The following HAUS3 variants were observed in gnomAD, a reference collection of about 807,000 sequenced individuals.
HAUS3 encodes the protein HAUS augmin like complex subunit 3, also known as HAUS augmin-like complex subunit 3.
Under a neutral mutation model 55.2 loss-of-function variants are expected in HAUS3, and 36 were observed. The ratio of observed to expected loss-of-function variants is 0.65; its 90% CI spans 0.50 to 0.86. HAUS3 has a LOEUF of 0.86. Ranked by LOEUF, HAUS3 falls within the 40% of genes least tolerant of loss-of-function variation. The pLI, the probability that HAUS3 is intolerant of heterozygous loss-of-function variation, is 0.00. For missense variants in HAUS3, 752 were observed against 671.5 expected, an observed-to-expected ratio of 1.12 and a Z score of -1.33; for synonymous variants, 234 against 238.6, an observed-to-expected ratio of 0.98 and a Z score of 0.18.
In HAUS3 at chr4:2,241,675, AC is replaced by A; in HGVS notation, c.-304del. On this transcript the variant is annotated 5_prime_UTR_variant, in exon 2 of 6. Transcript: ENST00000443786. ...CAGCCCCGACGCCAGGGCCGCGCGA[AC>A]CCCAGAGGCAGCGGCAAGCCCCAGG... The A allele has an allele frequency of 2.0e-6, 2 of 985,426 alleles. No homozygotes were observed. The highest frequency in any genetic ancestry group is 2.4e-6 in the Non-Finnish European group (2 of 829,924). 61.0% of individuals were successfully genotyped at this position (985,426 alleles called of 1,614,324 possible). A position where few individuals can be genotyped will look rare whatever the true frequency, so the allele number is the denominator to read the frequency against.
chr4:2,235,035 G>C (rs957986497), intron 5 of HAUS3, among the ~76,000 whole-genome samples: 1 of 152,126 alleles, frequency 6.6e-6, no homozygotes, highest in African/African-American at 2.4e-5. Flanking sequence ...ACAGTCACCC[G>C]CCACCACGCC....
intron 5 of HAUS3, 51 bp downstream of exon 5, chr4:2,236,177 C>T (rs766504453): frequency 9.1e-7 from 1 of 1,104,032 alleles, no homozygotes; most frequent in Non-Finnish European, 1.3e-6. Flanking sequence ...ATATCTTTTA[C>T]AACAAGCATT....
Position 2,240,958 on chromosome 4 carries a change from C to T in HAUS3, c.-12G>A, listed in dbSNP as rs752857799. The T allele has an allele frequency of 3.2e-6, 5 of 1,575,234 alleles. No homozygotes were observed. The highest frequency in any genetic ancestry group is 4.3e-6 in the Non-Finnish European group (5 of 1,171,334). ...TTTCCACAACTCATGGTTTTAACTACCCCAATTTTGTTGTATCTGATATGG... is the reference window on the plus strand; with the variant it reads ...TTTCCACAACTCATGGTTTTAACTATCCCAATTTTGTTGTATCTGATATGG... On this transcript the variant is annotated 5_prime_UTR_variant, in exon 3 of 6. Coordinates refer to ENST00000443786, the MANE Select transcript of HAUS3 (RefSeq NM_001303143.2).
rs1311358632 is a variant in HAUS3 at position 2,230,374 on chromosome 4, A to G, written c.*1553T>C. On this transcript the variant is annotated 3_prime_UTR_variant, in exon 6 of 6. Transcript: ENST00000443786. ...ATTTAAACAGAATATGCTACCATAA[A>G]CCAGGAAACCAGGTGACATATTTTC... is the stretch of plus-strand genomic sequence containing the variant. 1 of 152,194 alleles carries G rather than the reference A, an allele frequency of 6.6e-6. No homozygotes were observed. The highest frequency in any genetic ancestry group is 1.5e-5 in the Non-Finnish European group (1 of 68,030). The allele number at this position is 152,194 out of a possible 1,614,324, so 9.4% of individuals were successfully genotyped here.
chr4:2,240,366 A>C lies in HAUS3; in HGVS notation c.581T>G (p.Phe194Cys). ...NLGQGTNPLVFLSQFSLEKYL... is the reference protein window; with the variant it reads ...NLGQGTNPLVCLSQFSLEKYL... ...TTTTTCCAAGGAAAATTGCGATAAAAATACCAGTGGATTTGTCCCTTGACC... is the reference window on the plus strand; with the variant it reads ...TTTTTCCAAGGAAAATTGCGATAAACATACCAGTGGATTTGTCCCTTGACC... The change falls in exon 3 of 6, where the codon TTT (phenylalanine) becomes TGT (cysteine). Residue 194 changes from phenylalanine to cysteine, a missense_variant. By Grantham distance (205) the Phe-to-Cys change is radical. Coordinates refer to ENST00000443786, the MANE Select transcript of HAUS3 (RefSeq NM_001303143.2). The C allele has an allele frequency of 6.2e-7, 1 of 1,604,704 alleles. No individual in the cohort carries two copies. Among genetic ancestry groups the C allele is most frequent in the Non-Finnish European group, 8.5e-7 (1 of 1,174,156 alleles).
In HAUS3 at chr4:2,229,461, C is replaced by G; in HGVS notation, c.*2466G>C. ...TCCAGGTATCATAGTAAATAGATAA[C>G]TTATTTTCTAGGTGACCAATTTAGA... is the stretch of plus-strand genomic sequence containing the variant. On this transcript the variant is annotated 3_prime_UTR_variant, in exon 6 of 6. Transcript: ENST00000443786. 2.8e-6 allele frequency: 1 copy of G among 359,494 alleles called. No homozygotes were observed. Among genetic ancestry groups the G allele is most frequent in the Non-Finnish European group, 4.9e-6 (1 of 202,520 alleles). The allele number at this position is 359,494 out of a possible 1,614,324, so 22.3% of individuals were successfully genotyped here.
At chr4:2,241,859 G>A in intron 1 of HAUS3, 69 bp from the exon 2 acceptor site, 2 of 985,528 alleles carry the variant, frequency 2.0e-6, no homozygotes, top group Non-Finnish European at 2.4e-6. Flanking sequence ...GGGGGTGACA[G>A]GCCCCGCACA....
rs747137097 is a variant in HAUS3, at chr4:2,236,418, T to TC, written c.1387dup (p.Glu463GlyfsTer10). 6.2e-7 allele frequency: 1 copy of TC among 1,613,224 alleles called. No individual in the cohort carries two copies. Among genetic ancestry groups the TC allele is most frequent in the South Asian group, 1.1e-5 (1 of 91,060 alleles). ...AAGGTTTCCATGAGTTAGAAACAATTCTTTTTTCTTATTCTCTCCCTCCAA... is the reference window on the plus strand; with the variant it reads ...AAGGTTTCCATGAGTTAGAAACAATTCCTTTTTTCTTATTCTCTCCCTCCAA... On this transcript the variant is annotated frameshift_variant, in exon 5 of 6. Transcript: ENST00000443786. LOFTEE classifies it high-confidence loss of function.
At chr4:2,236,776 T>C (rs892617371) in intron 4 of HAUS3, among the ~76,000 whole-genome samples, 2 of 151,608 alleles carry the variant, frequency 1.3e-5, no homozygotes, top group African/African-American at 4.9e-5. Context: ...GGCAGGAGGA[T>C]TGCTTGAACT....
At position 2,241,393 on chromosome 4, in the gene HAUS3, T is replaced by C. The variant is rs550824098; in HGVS notation, c.-148+127A>G. 1.2e-4 allele frequency: 73 copies of C among 607,542 alleles called. No homozygotes were observed. In the African/African-American group the frequency reaches 1.4e-3, roughly 12 times the overall value. The allele number at this position is 607,542 out of a possible 1,614,324, so 37.6% of individuals were successfully genotyped here. A position where few individuals can be genotyped will look rare whatever the true frequency, so the allele number is the denominator to read the frequency against. ...TTATAGAGCAGCATTTGTTTTTAAT[T>C]CAAAATAAATGGATCCAAACAAACC... On this transcript the variant is annotated intron_variant, in intron 2 of 5. Coordinates refer to ENST00000443786, the MANE Select transcript of HAUS3 (RefSeq NM_001303143.2).
Position 2,240,456 on chromosome 4 carries a change from T to C in HAUS3, c.491A>G (p.Asn164Ser), listed in dbSNP as rs549420665. The C allele has an allele frequency of 1.9e-5, 30 of 1,613,988 alleles. No homozygotes were observed. The African/African-American group carries it at 2.7e-4, about 14-fold the overall frequency. ...ILNAMITKIS[N>S]ELQALTDEVT... ...TTCATCAGTAAGAGCCTGAAGTTCATTACTGATCTTAGTGATCATTGCATT... is the reference window on the plus strand; with the variant it reads ...TTCATCAGTAAGAGCCTGAAGTTCACTACTGATCTTAGTGATCATTGCATT... The change falls in exon 3 of 6, where the codon AAT becomes AGT. Residue 164 changes from asparagine to serine, a missense_variant. By Grantham distance (46) the Asn-to-Ser change is conservative. Coordinates refer to ENST00000443786, the MANE Select transcript of HAUS3 (RefSeq NM_001303143.2).
rs1405354108 is a variant in HAUS3 at position 2,229,319 on chromosome 4, C to A, written c.*2608G>T. The A allele has an allele frequency of 1.7e-6, 2 of 1,203,668 alleles. No individual in the cohort carries two copies. The highest frequency in any genetic ancestry group is 2.3e-6 in the Non-Finnish European group (2 of 887,202). 74.6% of individuals were successfully genotyped at this position (1,203,668 alleles called of 1,614,324 possible). ...ATAAAACAGGAAATACAATTATTTT[C>A]AAAAATTTATATACCAACTTTCATT... On this transcript the variant is annotated 3_prime_UTR_variant, in exon 6 of 6. Coordinates refer to ENST00000443786, the MANE Select transcript of HAUS3 (RefSeq NM_001303143.2).
chr4:2,235,767 G>A (rs1486939384), intron 5 of HAUS3, among the ~76,000 whole-genome samples: 1 of 152,132 alleles, frequency 6.6e-6, no homozygotes, highest in Non-Finnish European at 1.5e-5. Flanking sequence ...ATGTGTGTAT[G>A]TGTGTGCGTA....
chr4:2,242,098 T>C lies in HAUS3; in HGVS notation c.-466A>G. The C allele has an allele frequency of 2.0e-6, 2 of 985,868 alleles. No homozygotes were observed. The highest frequency in any genetic ancestry group is 2.4e-6 in the Non-Finnish European group (2 of 830,276). 61.1% of individuals were successfully genotyped at this position (985,868 alleles called of 1,614,324 possible). On this transcript the variant is annotated 5_prime_UTR_variant, in exon 1 of 6. Coordinates refer to ENST00000443786, the MANE Select transcript of HAUS3 (RefSeq NM_001303143.2). Reference sequence around the variant, plus strand: ...TCGCAGGAGCCCGCCGCCACCGCCCTCCGTGCCCCGCGCGCCTCGCACTGC... The same window carrying C: ...TCGCAGGAGCCCGCCGCCACCGCCCCCCGTGCCCCGCGCGCCTCGCACTGC...
At chr4:2,239,077 T>C (rs778683964) in intron 3 of HAUS3, 34 bp from the exon 4 acceptor site, 3 of 1,143,212 alleles carry the variant, frequency 2.6e-6, no homozygotes, top group East Asian at 4.9e-5. Flanking sequence ...TTTCAAACTG[T>C]ATGCCTAAAT....
chr4:2,237,717 T>C (rs1489360970), intron 4 of HAUS3, among the ~76,000 whole-genome samples: 2 of 152,194 alleles, frequency 1.3e-5, no homozygotes, highest in Non-Finnish European at 2.9e-5. Context: ...AGAGAAAAAC[T>C]AAAATTGTAA....
intron 5 of HAUS3, chr4:2,234,395 G>C (rs2108777044): frequency 6.6e-6 from 1 of 152,590 alleles, no homozygotes; most frequent in South Asian, 2.1e-4. Context: ...TGCTAAAGGG[G>C]GTGATGTCTC....
chr4:2,240,281 G>A lies in HAUS3; in HGVS notation c.666C>T (p.Phe222=), dbSNP rs777049016. 1 of 1,613,170 alleles carries A rather than the reference G, an allele frequency of 6.2e-7. No individual in the cohort carries two copies. The highest frequency in any genetic ancestry group is 1.7e-5 in the Admixed American group (1 of 59,888). The change falls in exon 3 of 6, where the codon TTC becomes TTT. Residue 222 remains phenylalanine, a synonymous_variant. Coordinates refer to ENST00000443786, the MANE Select transcript of HAUS3 (RefSeq NM_001303143.2). ...AALTLYTKKQ[F]FQGIHEVVES... is the part of the protein sequence containing the mutation. ...CAACTACTTCATGTATACCCTGAAA[G>A]AACTGTTTTTTGGTATACAAAGTTA...
At position 2,241,643 on chromosome 4, in the gene HAUS3, G is replaced by C. The variant is rs7671997; in HGVS notation, c.-271C>G. The stretch of plus-strand genomic sequence containing the variant: ...TGCTTCGGGCCGGCCTTCAGCCAGC[G>C]CTGAGGCAGCCCCGACGCCAGGGCC... On this transcript the variant is annotated 5_prime_UTR_variant, in exon 2 of 6. Transcript: ENST00000443786. 50,031 of 985,436 alleles carry C rather than the reference G, an allele frequency of 0.051. 1,684 individuals carry two copies. Among genetic ancestry groups the C allele is most frequent in the African/African-American group, 0.16 (9,097 of 57,358 alleles). 61.0% of individuals were successfully genotyped at this position (985,436 alleles called of 1,614,324 possible). A position where few individuals can be genotyped will look rare whatever the true frequency, so the allele number is the denominator to read the frequency against.
Sources: allele counts gnomAD v4.1 joint callset (sites outside exome capture counted in the v4.1 genomes callset), GRCh38; gene constraint gnomAD v4.1.1; transcripts MANE v1.5; gene names NCBI Gene and HGNC (gene_info 2026-07-23, HGNC 2026-07-21).